RFLNA: variants seen among roughly 807,000 people sequenced by gnomAD.
RFLNA encodes the protein refilin-A.
RFLNA carries 5 observed loss-of-function variants against 7.8 expected under a neutral mutation model. The ratio of observed to expected loss-of-function variants is 0.64; its 90% CI spans 0.34 to 1.35. The LOEUF (loss-of-function observed/expected upper bound fraction) is 1.35. Among genes scored for constraint, RFLNA ranks in the 40% most tolerant of loss-of-function variants. The probability of loss-of-function intolerance (pLI) is 0.04; values close to 1 mark genes in which losing one functional copy is unlikely to be tolerated. For synonymous variants in RFLNA, 141 were observed against 131.3 expected (o/e 1.07, Z -0.50); for missense variants, 278 against 305.5 (o/e 0.91, Z 0.67).
Position 124,314,845 on chromosome 12 carries a change from T to G in RFLNA, c.*320T>G. 5 of 507,770 alleles carry G rather than the reference T, an allele frequency of 9.8e-6. No individual in the cohort carries two copies. Among genetic ancestry groups the G allele is most frequent in the East Asian group, 4.5e-5 (1 of 22,302 alleles). The allele number at this position is 507,770 out of a possible 1,614,324, so 31.5% of individuals were successfully genotyped here. On this transcript the variant is annotated 3_prime_UTR_variant, in exon 3 of 3. Transcript: ENST00000546355. Reference sequence around the variant, plus strand: ...AGGGGAAAAGAATGGGTCCATGGAGTGCCCTTGAAGCAGAGAACAGCCCCG... The same window carrying G: ...AGGGGAAAAGAATGGGTCCATGGAGGGCCCTTGAAGCAGAGAACAGCCCCG...
chr12:124,299,904 C>T (rs778904683), intron 1 of RFLNA, among the ~76,000 whole-genome samples: 2 of 152,160 alleles, frequency 1.3e-5, no homozygotes, highest in Admixed American at 6.5e-5. Flanking sequence ...CCGCCCTGCC[C>T]GGCAGAGCTG....
chr12:124,311,645 T>C lies in RFLNA; in HGVS notation c.208-173T>C, dbSNP rs531920334. The C allele has an allele frequency of 7.3e-4, 394 of 541,226 alleles. 2 individuals carry two copies. The highest frequency in any genetic ancestry group is 7.2e-3 in the African/African-American group (358 of 49,900). 33.5% of individuals were successfully genotyped at this position (541,226 alleles called of 1,614,324 possible). ...ATGCCTGGATCCCATGGAGGGCGTCTGGGGTGGGCTTCCTGATGGGCCCCA... is the reference window on the plus strand; with the variant it reads ...ATGCCTGGATCCCATGGAGGGCGTCCGGGGTGGGCTTCCTGATGGGCCCCA... On this transcript the variant is annotated intron_variant, in intron 1 of 2. Transcript: ENST00000546355.
In RFLNA at chr12:124,314,396, T is replaced by A. The variant is rs771604000; in HGVS notation, c.522T>A (p.His174Gln). 3 of 1,610,614 alleles carry A rather than the reference T, an allele frequency of 1.9e-6. No homozygotes were observed. In the South Asian group the frequency reaches 3.3e-5, roughly 18 times the overall value. Residue 174 changes from histidine (H) to glutamine (Q), a missense_variant, in exon 3 of 3, where the codon CAT becomes CAA. By Grantham distance (24) the His-to-Gln change is conservative. Coordinates refer to ENST00000546355, the MANE Select transcript of RFLNA (RefSeq NM_001365156.1). ...GCACCACCATCATCTTCCCCAAGCATGCCAGGAGCACTTTCCGGACCACCC... is the reference window on the plus strand; with the variant it reads ...GCACCACCATCATCTTCCCCAAGCAAGCCAGGAGCACTTTCCGGACCACCC... The part of the protein sequence containing the change: ...FRSTTIIFPK[H>Q]ARSTFRTTLH...
In RFLNA at chr12:124,307,382, C is replaced by T. The variant is rs529587450; in HGVS notation, c.208-4436C>T. Among the ~76,000 whole-genome samples, 10 of 152,294 alleles carry T rather than the reference C, an allele frequency of 6.6e-5. No homozygotes were observed. In the East Asian group the frequency reaches 1.4e-3, roughly 21 times the overall value. ...TTCCCCCAGGAGGTGACTCCCACCC[C>T]CAGGAGTGGGGCAGCCAGTGACCAG... is the stretch of plus-strand genomic sequence containing the variant. On this transcript the variant is annotated intron_variant, in intron 1 of 2. Transcript: ENST00000546355.
intron 1 of RFLNA, among the ~76,000 whole-genome samples, chr12:124,297,209 G>A (rs1260057032): frequency 3.3e-5 from 5 of 152,148 alleles, no homozygotes; most frequent in African/African-American, 1.2e-4. Flanking sequence ...GGGTTTTCTG[G>A]AAGCGTTCTC....
At chr12:124,304,041 GA>G (rs1464297371) in intron 1 of RFLNA, among the ~76,000 whole-genome samples, 1 of 152,266 alleles carries the variant, frequency 6.6e-6, no homozygotes, top group Non-Finnish European at 1.5e-5. Context: ...CGCGTGGCTG[GA>G]AAGTCGGACT....
chr12:124,293,647 G>C (rs937159325), upstream of RFLNA, among the ~76,000 whole-genome samples: 22 of 152,200 alleles, frequency 1.4e-4, no homozygotes, highest in African/African-American at 5.1e-4. Context: ...AGTTGGGTCT[G>C]TTTGGGCAGC....
intron 1 of RFLNA, among the ~76,000 whole-genome samples, chr12:124,297,542 CA>C (rs926750008): frequency 6.6e-6 from 1 of 152,216 alleles, no homozygotes; most frequent in African/African-American, 2.4e-5. Flanking sequence ...AGGCGGAAGC[CA>C]AGGCACAGAG....
chr12:124,306,443 G>A lies in RFLNA; in HGVS notation c.208-5375G>A, dbSNP rs190743901. Among the ~76,000 whole-genome samples, 35 of 152,220 alleles carry A rather than the reference G, an allele frequency of 2.3e-4. No homozygotes were observed. Among genetic ancestry groups the A allele is most frequent in the East Asian group, 1.4e-3 (7 of 5,160 alleles). On this transcript the variant is annotated intron_variant, in intron 1 of 2. Transcript: ENST00000546355. The surrounding 1 kb of genome is among the most constrained non-coding windows in gnomAD (Gnocchi z 5.2). ...CCGAGACAGGAACAGGCAGAGGCCC[G>A]AGTGGGAATCCTTGAGCCTGTGTCG... is the stretch of plus-strand genomic sequence containing the variant.
rs1289196304 is a variant in RFLNA at position 124,296,193 on chromosome 12, TC to T, written c.207+558del. ...TCTCTTCTCTTCTCTTCTTTTCTTT[TC>T]TTTTCTTTTTTTTAAATAACCAAAC... On this transcript the variant is annotated intron_variant, in intron 1 of 2. Coordinates refer to ENST00000546355, the MANE Select transcript of RFLNA (RefSeq NM_001365156.1). Among the ~76,000 whole-genome samples, 2 of 20,552 alleles carry T rather than the reference TC, an allele frequency of 9.7e-5. 1 individual carries two copies. Among genetic ancestry groups the T allele is most frequent in the Non-Finnish European group, 3.6e-4 (2 of 5,552 alleles). 13.5% of individuals were successfully genotyped at this position (20,552 alleles called of 152,430 possible). A position where few individuals can be genotyped will look rare whatever the true frequency, so the allele number is the denominator to read the frequency against.
chr12:124,300,027 C>T (rs998690576), intron 1 of RFLNA, among the ~76,000 whole-genome samples: 4 of 152,236 alleles, frequency 2.6e-5, no homozygotes, highest in Non-Finnish European at 4.4e-5. Context: ...TCTTACTGCA[C>T]TCAGGGAGGC....
intron 1 of RFLNA, among the ~76,000 whole-genome samples, chr12:124,305,843 C>G (rs2135685312): frequency 6.6e-6 from 1 of 152,284 alleles, no homozygotes; most frequent in African/African-American, 2.4e-5. Flanking sequence ...GTTCAGCATG[C>G]CACACCCAGG....
chr12:124,296,491 C>A (rs1362610200), intron 1 of RFLNA, among the ~76,000 whole-genome samples: 1 of 152,070 alleles, frequency 6.6e-6, no homozygotes, highest in Non-Finnish European at 1.5e-5. Flanking sequence ...CCATCCCTGC[C>A]CGCTCTCTGG....
At chr12:124,290,123 A>G (rs2033795502), upstream of RFLNA, among the ~76,000 whole-genome samples, 1 of 152,222 alleles carries the variant, frequency 6.6e-6, no homozygotes, top group Non-Finnish European at 1.5e-5. The surrounding 1 kb of genome is among the most constrained non-coding windows in gnomAD (Gnocchi z 4.0). Context: ...AAAATAGGCA[A>G]GAGCCCGGGG....
In RFLNA at chr12:124,314,339, G is replaced by A. The variant is rs779031713; in HGVS notation, c.465G>A (p.Leu155=). Residue 155 remains leucine (L), a synonymous_variant, in exon 3 of 3, where the codon CTG becomes CTA. Coordinates refer to ENST00000546355, the MANE Select transcript of RFLNA (RefSeq NM_001365156.1). ...GCAACTACCGCAGCCAGCTGACCCT[G>A]GAGCCACGCCCGCGCGCCCTGCGCT... ...TWRNYRSQLT[L]EPRPRALRFR... 3.1e-6 allele frequency: 5 copies of A among 1,613,478 alleles called. No homozygotes were observed. In the East Asian group the frequency reaches 8.9e-5, roughly 29 times the overall value.
upstream of RFLNA, among the ~76,000 whole-genome samples, chr12:124,293,211 G>A (rs4365145): frequency 2.6e-5 from 4 of 152,324 alleles, no homozygotes; most frequent in Non-Finnish European, 4.4e-5. Flanking sequence ...ACAGGCGTGA[G>A]CCACCGCACC....
intron 2 of RFLNA, among the ~76,000 whole-genome samples, chr12:124,313,157 A>G (rs2034283237): frequency 6.6e-6 from 1 of 152,192 alleles, no homozygotes; most frequent in African/African-American, 2.4e-5. Context: ...GCAAGGGTGG[A>G]GGATGGATGC....
rs2034341375 is a variant in RFLNA at position 124,315,871 on chromosome 12, G to A, written c.*1346G>A. The stretch of plus-strand genomic sequence containing the variant: ...AGCTCCCTCTGTGGAGGTGAGGAGG[G>A]GAGATTCCGTTCACATCCAGGAGGG... On this transcript the variant is annotated 3_prime_UTR_variant, in exon 3 of 3. Coordinates refer to ENST00000546355, the MANE Select transcript of RFLNA (RefSeq NM_001365156.1). 6.6e-6 allele frequency: 1 copy of A among 152,242 alleles called. No homozygotes were observed. Among genetic ancestry groups the A allele is most frequent in the African/African-American group, 2.4e-5 (1 of 41,462 alleles). 9.4% of individuals were successfully genotyped at this position (152,242 alleles called of 1,614,324 possible). A position where few individuals can be genotyped will look rare whatever the true frequency, so the allele number is the denominator to read the frequency against.
intron 1 of RFLNA, among the ~76,000 whole-genome samples, chr12:124,302,928 C>T (rs1346354948): frequency 2.0e-5 from 3 of 151,402 alleles, no homozygotes; most frequent in Non-Finnish European, 2.9e-5. Flanking sequence ...ACGCCTCTCC[C>T]GCGGCCCGTG....
Sources: allele counts gnomAD v4.1 joint callset (sites outside exome capture counted in the v4.1 genomes callset), GRCh38; gene constraint gnomAD v4.1.1; non-coding constraint Gnocchi (gnomAD v3.1); transcripts MANE v1.5; gene names NCBI Gene and HGNC (gene_info 2026-07-23, HGNC 2026-07-21).